Variants in TRIM9 observed in about 807,000 individuals in gnomAD.
The protein encoded by TRIM9 is tripartite motif containing 9, also known as E3 ubiquitin-protein ligase TRIM9.
TRIM9 carries 26 observed loss-of-function variants against 78.3 expected under a neutral mutation model. That is an observed-to-expected ratio of 0.33 (90% CI 0.24 to 0.46). The LOEUF (loss-of-function observed/expected upper bound fraction) is 0.46, where lower values mean the gene tolerates loss of function less well. Ranked by LOEUF, TRIM9 falls within the 20% of genes least tolerant of loss-of-function variation. The pLI is 1.00. For synonymous variants in TRIM9, 398 were observed against 416.5 expected (o/e 0.96, Z 0.54); for missense variants, 787 against 1,036.4 (o/e 0.76, Z 3.30).
At chr14:50,989,937 T>C (rs1451275450) in intron 7 of TRIM9, among the ~76,000 whole-genome samples, 1 of 152,200 alleles carries the variant, frequency 6.6e-6, no homozygotes, top group Non-Finnish European at 1.5e-5. Context: ...AAAGCAAAGA[T>C]TGGCTGGGGA....
intron 1 of TRIM9, among the ~76,000 whole-genome samples, chr14:51,042,376 A>G (rs2059638950): frequency 6.6e-6 from 1 of 152,182 alleles, no homozygotes; most frequent in South Asian, 2.1e-4. Context: ...GAAGGATCTG[A>G]AACCTGTCAC....
rs576850304 is a variant in TRIM9 at position 51,043,388 on chromosome 14, G to T, written c.823-18028C>A. 7.9e-5 allele frequency among the ~76,000 whole-genome samples: 12 copies of T among 152,246 alleles called. No individual in the cohort carries two copies. In the South Asian group the frequency reaches 2.5e-3, roughly 32 times the overall value. On this transcript the variant is annotated intron_variant, in intron 1 of 12. Coordinates refer to ENST00000684578, the MANE Select transcript of TRIM9 (RefSeq NM_001387360.1). ...AATAGTGGGAACAATGAAGGGAAGA[G>T]AAAGGTCAAGAGATACACAGAGAAT... is the stretch of plus-strand genomic sequence containing the variant.
chr14:51,027,119 T>C (rs2058306927), intron 1 of TRIM9, among the ~76,000 whole-genome samples: 2 of 146,112 alleles, frequency 1.4e-5, no homozygotes, highest in African/African-American at 5.1e-5. Context: ...GCTTAATAAA[T>C]GCTGGCTGTT....
chr14:51,077,519 A>T (rs1331987172), intron 1 of TRIM9, among the ~76,000 whole-genome samples: 1 of 149,614 alleles, frequency 6.7e-6, no homozygotes, highest in Admixed American at 6.8e-5. Flanking sequence ...CAGACTCTCC[A>T]AGTAGCTGGG....
At chr14:51,026,022 G>A (rs1020318661) in intron 1 of TRIM9, among the ~76,000 whole-genome samples, 1 of 152,144 alleles carries the variant, frequency 6.6e-6, no homozygotes, top group Non-Finnish European at 1.5e-5. Flanking sequence ...AGGCAGTTCT[G>A]CTGGGTTGGC....
chr14:50,978,791 C>T lies in TRIM9; in HGVS notation c.2325+596G>A, dbSNP rs543005646. 4.6e-6 allele frequency: 3 copies of T among 647,904 alleles called. No individual in the cohort carries two copies. In the South Asian group the frequency reaches 2.1e-4, roughly 45 times the overall value. 40.1% of individuals were successfully genotyped at this position (647,904 alleles called of 1,614,324 possible). On this transcript the variant is annotated intron_variant, in intron 12 of 12. Transcript: ENST00000684578. Reference sequence around the variant, plus strand: ...GTTTTTTTTTTTCACTGATGTATCCCAGACACTTATAACTGTGCCTGGCAC... The same window carrying T: ...GTTTTTTTTTTTCACTGATGTATCCTAGACACTTATAACTGTGCCTGGCAC...
In TRIM9 at chr14:50,975,587, T is replaced by G. The variant is rs546863335; in HGVS notation, c.*1704A>C. On this transcript the variant is annotated 3_prime_UTR_variant, in exon 13 of 13. Coordinates refer to ENST00000684578, the MANE Select transcript of TRIM9 (RefSeq NM_001387360.1). ...TAGGTACACTTAACTAGAAAAAGAT[T>G]GTAACTGATAGAAATAATCTAAATA... 6 of 152,624 alleles carry G rather than the reference T, an allele frequency of 3.9e-5. No individual in the cohort carries two copies. Among genetic ancestry groups the G allele is most frequent in the African/African-American group, 1.2e-4 (5 of 41,430 alleles). The allele number at this position is 152,624 out of a possible 1,614,324, so 9.5% of individuals were successfully genotyped here.
At chr14:51,021,796 G>T (rs2057784423) in intron 3 of TRIM9, among the ~76,000 whole-genome samples, 1 of 152,134 alleles carries the variant, frequency 6.6e-6, no homozygotes, top group African/African-American at 2.4e-5. Flanking sequence ...TGCACCAATG[G>T]GGTGATAGAT....
intron 6 of TRIM9, among the ~76,000 whole-genome samples, chr14:50,999,874 A>G (rs1159302635): frequency 6.6e-6 from 1 of 152,210 alleles, no homozygotes; most frequent in Admixed American, 6.5e-5. Context: ...AAGCAGACAC[A>G]TGCCGGCAGG....
chr14:50,979,152 T>C (rs1216816901), intron 12 of TRIM9: 4 of 1,411,986 alleles, frequency 2.8e-6, no homozygotes, highest in Non-Finnish European at 3.7e-6. Flanking sequence ...AAGAGAATTC[T>C]AGTTTCCTAT....
At chr14:50,983,482 T>A in intron 8 of TRIM9, 61 bp from the exon 9 acceptor site, 1 of 1,336,610 alleles carries the variant, frequency 7.5e-7, no homozygotes, top group Non-Finnish European at 1.0e-6. Context: ...AAAAATTACT[T>A]GTATACGCTT....
rs563389274 is a variant in TRIM9 at position 51,019,388 on chromosome 14, T to C, written c.1041+3447A>G. On this transcript the variant is annotated intron_variant, in intron 3 of 12. Coordinates refer to ENST00000684578, the MANE Select transcript of TRIM9 (RefSeq NM_001387360.1). ...AGCATCTTATCAAACCACAGAGTAG[T>C]ATTAACTATAATTTACATTTCAAAC... is the stretch of plus-strand genomic sequence containing the variant. Among the ~76,000 whole-genome samples, 6 of 152,380 alleles carry C rather than the reference T, an allele frequency of 3.9e-5. No individual in the cohort carries two copies. In the South Asian group the frequency reaches 1.0e-3, roughly 26 times the overall value.
At chr14:51,091,676 T>C (rs746743177) in intron 1 of TRIM9, among the ~76,000 whole-genome samples, 15 of 152,240 alleles carry the variant, frequency 9.9e-5, no homozygotes, top group Non-Finnish European at 1.9e-4. Flanking sequence ...CTGTCTTATT[T>C]TTTTTCTTGG....
At chr14:51,017,545 A>G (rs1689631542) in intron 3 of TRIM9, among the ~76,000 whole-genome samples, 1 of 152,252 alleles carries the variant, frequency 6.6e-6, no homozygotes, top group Non-Finnish European at 1.5e-5. Flanking sequence ...GAAATTCAAG[A>G]CATTGGGAGA....
intron 1 of TRIM9, among the ~76,000 whole-genome samples, chr14:51,040,937 A>G (rs1265274067): frequency 1.3e-5 from 2 of 152,264 alleles, no homozygotes; most frequent in African/African-American, 4.8e-5. Context: ...GAGAGATCTC[A>G]AATAGCTTCT....
At chr14:50,978,910 G>C in intron 12 of TRIM9, 1 of 1,016,218 alleles carries the variant, frequency 9.8e-7, no homozygotes, top group Non-Finnish European at 1.2e-6. Context: ...TTGTAGGTAG[G>C]GACTATGTTT....
intron 1 of TRIM9, among the ~76,000 whole-genome samples, chr14:51,063,927 CAT>C (rs1260933146): frequency 2.0e-5 from 3 of 152,156 alleles, no homozygotes; most frequent in East Asian, 3.9e-4. Flanking sequence ...GGCATAAATA[CAT>C]ATATGTGTGT....
chr14:51,051,169 AC>A (rs1292829995), intron 1 of TRIM9, among the ~76,000 whole-genome samples: 1 of 152,236 alleles, frequency 6.6e-6, no homozygotes. Context: ...TTCACCAGTT[AC>A]AAAAAAATAT....
At chr14:50,986,962 G>A (rs892494627) in intron 7 of TRIM9, among the ~76,000 whole-genome samples, 1 of 152,174 alleles carries the variant, frequency 6.6e-6, no homozygotes, top group African/African-American at 2.4e-5. Context: ...TTTTAGAAGG[G>A]CATGAGTTAG....
Sources: allele counts gnomAD v4.1 joint callset (sites outside exome capture counted in the v4.1 genomes callset), GRCh38; gene constraint gnomAD v4.1.1; transcripts MANE v1.5; gene names NCBI Gene and HGNC (gene_info 2026-07-23, HGNC 2026-07-21).